The following UGGT1 variants were observed in gnomAD, a reference collection of about 807,000 sequenced individuals.
The protein encoded by UGGT1 is UDP-glucose glycoprotein glucosyltransferase 1, also known as UDP-glucose:glycoprotein glucosyltransferase 1.
A neutral mutation model predicts 203.9 loss-of-function variants in UGGT1; 107 were observed. That is an observed-to-expected ratio of 0.52 (90% CI 0.45 to 0.62). The LOEUF is 0.62. UGGT1 is among the 20% of genes least tolerant of loss of function. The pLI is 0.00. For missense variants in UGGT1, 1,673 were observed against 1,867.2 expected (o/e 0.90, Z 1.92); for synonymous variants, 628 against 653.5 (o/e 0.96, Z 0.59).
intron 2 of UGGT1, among the ~76,000 whole-genome samples, chr2:128,101,701 C>T (rs910592224): frequency 6.6e-6 from 1 of 152,072 alleles, no homozygotes; most frequent in East Asian, 1.9e-4. Context: ...ATTTGAAAAA[C>T]GGTTATATCT....
At chr2:128,123,281 ATT>A in intron 11 of UGGT1, 35 bp downstream of exon 11, 1 of 1,574,106 alleles carries the variant, frequency 6.4e-7, no homozygotes, top group Non-Finnish European at 8.7e-7. Flanking sequence ...CCTGTTTTGT[ATT>A]CTATCTTTAA....
chr2:128,167,474 A>AC (rs1690854015), intron 26 of UGGT1, among the ~76,000 whole-genome samples: 1 of 152,170 alleles, frequency 6.6e-6, no homozygotes, highest in Non-Finnish European at 1.5e-5. Context: ...TGGTCCATGG[A>AC]CCAGCAGCAA....
At position 128,161,138 on chromosome 2, in the gene UGGT1, A is replaced by G; in HGVS notation, c.2695A>G (p.Ile899Val). 1.2e-6 allele frequency: 2 copies of G among 1,613,816 alleles called. No homozygotes were observed. The highest frequency in any genetic ancestry group is 8.5e-7 in the Non-Finnish European group (1 of 1,179,874). Residue 899 changes from isoleucine (I) to valine (V), a missense_variant and splice_region_variant, in exon 25 of 41, where the codon ATC (isoleucine) becomes GTC (valine). Around this residue, in one of 4 missense-constraint regions of UGGT1, gnomAD observed 1,073 missense variants for 1,078.7 expected, o/e 0.99. Coordinates refer to ENST00000259253, the MANE Select transcript of UGGT1 (RefSeq NM_020120.4). The stretch of plus-strand genomic sequence containing the variant: ...GCGCCTGCTCTTCTCTCCTTCACAG[A>G]TCATTGGGCCACTGGAGGATAGTGA... ...GQRAVISNGR[I>V]IGPLEDSELF...
At position 128,193,484 on chromosome 2, in the gene UGGT1, G is replaced by C. The variant is rs1453227107; in HGVS notation, c.*3742G>C. 1 of 152,124 alleles carries C rather than the reference G, an allele frequency of 6.6e-6. No individual in the cohort carries two copies. Among genetic ancestry groups the C allele is most frequent in the African/African-American group, 2.4e-5 (1 of 41,344 alleles). The allele number at this position is 152,124 out of a possible 1,614,324, so 9.4% of individuals were successfully genotyped here. A position where few individuals can be genotyped will look rare whatever the true frequency, so the allele number is the denominator to read the frequency against. ...TTGGCCAGGCTGATCTCAAACTCCTGACCTCAGGTGGTGATCTGCCCACCT... is the reference window on the plus strand; with the variant it reads ...TTGGCCAGGCTGATCTCAAACTCCTCACCTCAGGTGGTGATCTGCCCACCT... On this transcript the variant is annotated 3_prime_UTR_variant, in exon 41 of 41. Transcript: ENST00000259253.
At chr2:128,144,915 A>C (rs1049094289) in intron 17 of UGGT1, among the ~76,000 whole-genome samples, 1 of 152,246 alleles carries the variant, frequency 6.6e-6, no homozygotes, top group African/African-American at 2.4e-5. Flanking sequence ...CCCACTTTAC[A>C]TCTTGGGTGG....
In UGGT1 at chr2:128,189,789, A is replaced by G. The variant is rs1558836104; in HGVS notation, c.*47A>G. On this transcript the variant is annotated 3_prime_UTR_variant, in exon 41 of 41. Coordinates refer to ENST00000259253, the MANE Select transcript of UGGT1 (RefSeq NM_020120.4). ...TCACCCCATTTGAAAAACAGTTTTT[A>G]TAATAAATGCTAGTTTTTTCTGATC... is the stretch of plus-strand genomic sequence containing the variant. The G allele has an allele frequency of 6.2e-6, 10 of 1,605,460 alleles. No individual in the cohort carries two copies. Among genetic ancestry groups the G allele is most frequent in the Non-Finnish European group, 8.5e-6 (10 of 1,174,078 alleles).
At chr2:128,142,870 A>G (rs1689506145) in intron 16 of UGGT1, among the ~76,000 whole-genome samples, 1 of 151,638 alleles carries the variant, frequency 6.6e-6, no homozygotes, top group South Asian at 2.1e-4. Context: ...AATCCCAGCT[A>G]TTCTGGAGGC....
In UGGT1 at chr2:128,172,693, C is replaced by T. The variant is rs1691172847; in HGVS notation, c.3225C>T (p.Asn1075=). ...CTCCACTGTTCACTCTGAATTTGAA[C>T]ACACCTGAGAGCTGGATGGTAGAAT... is the stretch of plus-strand genomic sequence containing the variant. The part of the protein sequence containing the change: ...PQSPLFTLNL[N]TPESWMVESV... The change falls in exon 29 of 41, where the codon AAC becomes AAT. Residue 1075 remains asparagine, a synonymous_variant. Coordinates refer to ENST00000259253, the MANE Select transcript of UGGT1 (RefSeq NM_020120.4). The T allele has an allele frequency of 1.2e-6, 2 of 1,613,994 alleles. No homozygotes were observed. Among genetic ancestry groups the T allele is most frequent in the African/African-American group, 1.3e-5 (1 of 74,920 alleles).
At position 128,193,398 on chromosome 2, in the gene UGGT1, C is replaced by G. The variant is rs1207242815; in HGVS notation, c.*3656C>G. ...TCCTGAGTAGCTGGGATTACAGGCGCCTGCCACCATGCCTGGTTAATTTTT... is the reference window on the plus strand; with the variant it reads ...TCCTGAGTAGCTGGGATTACAGGCGGCTGCCACCATGCCTGGTTAATTTTT... On this transcript the variant is annotated 3_prime_UTR_variant, in exon 41 of 41. Coordinates refer to ENST00000259253, the MANE Select transcript of UGGT1 (RefSeq NM_020120.4). 6.6e-6 allele frequency: 1 copy of G among 151,338 alleles called. No individual in the cohort carries two copies. Among genetic ancestry groups the G allele is most frequent in the Non-Finnish European group, 1.5e-5 (1 of 67,874 alleles). 9.4% of individuals were successfully genotyped at this position (151,338 alleles called of 1,614,324 possible). A position where few individuals can be genotyped will look rare whatever the true frequency, so the allele number is the denominator to read the frequency against.
At position 128,152,767 on chromosome 2, in the gene UGGT1, CT is replaced by C. The variant is rs745399416; in HGVS notation, c.2017-8del. 6.8e-5 allele frequency: 107 copies of C among 1,571,370 alleles called. No homozygotes were observed. Among genetic ancestry groups the C allele is most frequent in the Admixed American group, 2.7e-4 (14 of 51,282 alleles). ...TGCTTTACCCTCCCCCCTCAACCTC[CT>C]TTTTTTTTCTTGCAGGGTGAACTGC... On this transcript the variant is annotated splice_polypyrimidine_tract_variant and intron_variant, in intron 18 of 40. Transcript: ENST00000259253.
chr2:128,169,025 G>C lies in UGGT1; in HGVS notation c.2922-1263G>C, dbSNP rs1303641460. Among the ~76,000 whole-genome samples, 5 of 125,556 alleles carry C rather than the reference G, an allele frequency of 4.0e-5. No homozygotes were observed. In the East Asian group the frequency reaches 1.2e-3, roughly 31 times the overall value. The allele number at this position is 125,556 out of a possible 152,430, so 82.4% of individuals were successfully genotyped here. On this transcript the variant is annotated intron_variant, in intron 26 of 40. Transcript: ENST00000259253. ...TCACGCCACTATACTCCCAGCCTGG[G>C]TGAATGAGCGAGACTCTGTCTTTAA... is the stretch of plus-strand genomic sequence containing the variant.
At chr2:128,117,546 C>CTTTT (rs10694331) in intron 8 of UGGT1, among the ~76,000 whole-genome samples, 19 of 137,502 alleles carry the variant, frequency 1.4e-4, no homozygotes, top group South Asian at 2.2e-4. Flanking sequence ...AACTGTTATT[C>CTTTT]TTTTTTTTTT....
chr2:128,194,997 C>T lies in UGGT1; in HGVS notation c.*5255C>T, dbSNP rs1017638380. The T allele has an allele frequency of 1.3e-5, 2 of 152,244 alleles. No homozygotes were observed. The highest frequency in any genetic ancestry group is 1.9e-4 in the East Asian group (1 of 5,198). The allele number at this position is 152,244 out of a possible 1,614,324, so 9.4% of individuals were successfully genotyped here. A position where few individuals can be genotyped will look rare whatever the true frequency, so the allele number is the denominator to read the frequency against. ...ATCAGTGACAATTTATAAAAACAAA[C>T]TGCAAAGTCTGTGGCAAGTGGCTGC... On this transcript the variant is annotated 3_prime_UTR_variant, in exon 41 of 41. Transcript: ENST00000259253.
chr2:128,117,172 C>T (rs1365612086), intron 8 of UGGT1, among the ~76,000 whole-genome samples: 2 of 152,094 alleles, frequency 1.3e-5, no homozygotes, highest in Admixed American at 6.5e-5. Flanking sequence ...TCACTGCAAC[C>T]TCCGTCTCCT....
Position 128,194,744 on chromosome 2 carries a change from T to A in UGGT1, c.*5002T>A, listed in dbSNP as rs1692440499. ...AGTGAGGGAAAGATCTTAATCAGTA[T>A]TTTGGTAATTAACTGATTGAATTCA... On this transcript the variant is annotated 3_prime_UTR_variant, in exon 41 of 41. Transcript: ENST00000259253. 6.6e-6 allele frequency: 1 copy of A among 152,200 alleles called. No individual in the cohort carries two copies. The highest frequency in any genetic ancestry group is 1.5e-5 in the Non-Finnish European group (1 of 68,038). The allele number at this position is 152,200 out of a possible 1,614,324, so 9.4% of individuals were successfully genotyped here. A position where few individuals can be genotyped will look rare whatever the true frequency, so the allele number is the denominator to read the frequency against.
rs148407768 is a variant in UGGT1, at chr2:128,128,658, G to C, written c.1227-371G>C. Among the ~76,000 whole-genome samples, 503 of 152,284 alleles carry C rather than the reference G, an allele frequency of 3.3e-3. 5 individuals carry two copies. The highest frequency in any genetic ancestry group is 0.011 in the African/African-American group (440 of 41,558). On this transcript the variant is annotated intron_variant, in intron 12 of 40. Transcript: ENST00000259253. ...CTCTCCCAGCAAACCTCTAAGTTGG[G>C]TGTGGATTCTTTCAGGCTTTTTTCT...
At chr2:128,145,620 ATAG>A (rs1689651050) in intron 17 of UGGT1, 180 bp from the exon 18 acceptor site, 1 of 601,132 alleles carries the variant, frequency 1.7e-6, no homozygotes. Context: ...TCAGATTTAC[ATAG>A]TAGGATATTA....
In UGGT1 at chr2:128,143,283, G is replaced by A. The variant is rs918517475; in HGVS notation, c.1851+58G>A. 14 of 1,501,392 alleles carry A rather than the reference G, an allele frequency of 9.3e-6. No homozygotes were observed. In the East Asian group the frequency reaches 1.5e-4, roughly 16 times the overall value. 93.0% of individuals were successfully genotyped at this position (1,501,392 alleles called of 1,614,324 possible). A position where few individuals can be genotyped will look rare whatever the true frequency, so the allele number is the denominator to read the frequency against. On this transcript the variant is annotated intron_variant, in intron 17 of 40. Transcript: ENST00000259253. ...GCAACATTGTACTGTCCTTAACCCCGTGTTTGGGGGCTTTGGTTAATAATG... is the reference window on the plus strand; with the variant it reads ...GCAACATTGTACTGTCCTTAACCCCATGTTTGGGGGCTTTGGTTAATAATG...
intron 2 of UGGT1, among the ~76,000 whole-genome samples, chr2:128,100,608 G>A (rs1231312552): frequency 4.9e-5 from 7 of 143,432 alleles, no homozygotes; most frequent in African/African-American, 1.0e-4. Context: ...TTTTAGTAGC[G>A]ATGGAGTTTC....
Sources: gnomAD v4.1 joint callset for allele counts (sites outside exome capture counted in the v4.1 genomes callset) on GRCh38, gnomAD v4.1.1 for gene constraint, gnomAD v4.1.1 regional missense constraint, MANE v1.5 for transcripts, NCBI Gene and HGNC (gene_info 2026-07-23, HGNC 2026-07-21) for gene names.